Variants in PNKD observed in about 807,000 individuals in gnomAD.
PNKD encodes PNKD metallo-beta-lactamase domain containing.
Under a neutral mutation model 45.3 loss-of-function variants are expected in PNKD, and 36 were observed. That is an observed-to-expected ratio of 0.80 (90% confidence interval 0.61 to 1.05). The LOEUF (loss-of-function observed/expected upper bound fraction) is 1.05, where lower values mean the gene tolerates loss of function less well. PNKD is among the 50% of genes least tolerant of loss of function. The pLI is 0.00. For synonymous variants in PNKD, 197 were observed against 210.1 expected (o/e 0.94, Z 0.54); for missense variants, 511 against 506.6 (o/e 1.01, Z -0.08).
chr2:218,293,420 T>G (rs1225064316), intron 2 of PNKD, among the ~76,000 whole-genome samples: 1 of 152,098 alleles, frequency 6.6e-6, no homozygotes, highest in Non-Finnish European at 1.5e-5. Flanking sequence ...TTGTCTCAAT[T>G]TAAAAAGAGA....
At chr2:218,319,664 G>A (rs2382827) in intron 2 of PNKD, among the ~76,000 whole-genome samples, 89,887 of 151,926 alleles carry the variant, frequency 0.59, 26,996 homozygotes, top group South Asian at 0.68. Flanking sequence ...GTGAGCCATC[G>A]CGCTCGGCCC....
intron 2 of PNKD, among the ~76,000 whole-genome samples, chr2:218,298,806 G>C (rs1239816339): frequency 6.6e-6 from 1 of 152,078 alleles, no homozygotes; most frequent in African/African-American, 2.4e-5. Context: ...CGTCCATCTT[G>C]GGCTTCATTC....
At chr2:218,282,543 A>C (rs1455007394) in intron 2 of PNKD, among the ~76,000 whole-genome samples, 5 of 152,252 alleles carry the variant, frequency 3.3e-5, no homozygotes, top group African/African-American at 9.6e-5. Context: ...CCAGCGAAGA[A>C]GCCAGATGGG....
rs932476419 is a variant in PNKD at position 218,270,862 on chromosome 2, C to G, written c.67+260C>G. On this transcript the variant is annotated intron_variant, in intron 1 of 9. Coordinates refer to ENST00000273077, the MANE Select transcript of PNKD (RefSeq NM_015488.5). ...TTGGACTCCCGCGCTCCAGGTGTTT[C>G]ACACTCACCGCAGTGCAGAGGAAAG... 2.6e-5 allele frequency: 10 copies of G among 390,206 alleles called. No homozygotes were observed. In the East Asian group the frequency reaches 3.8e-4, roughly 15 times the overall value. The allele number at this position is 390,206 out of a possible 1,614,324, so 24.2% of individuals were successfully genotyped here.
chr2:218,280,919 C>T (rs895139401), intron 2 of PNKD: 1 of 142,924 alleles, frequency 7.0e-6, no homozygotes, highest in African/African-American at 2.6e-5. Flanking sequence ...TCAAGCAATT[C>T]TCCTGCCTTA....
chr2:218,297,290 G>A (rs962969641), intron 2 of PNKD, among the ~76,000 whole-genome samples: 2 of 152,234 alleles, frequency 1.3e-5, no homozygotes, highest in African/African-American at 4.8e-5. Context: ...AGGAAATAGA[G>A]AGTGGAAAGA....
intron 2 of PNKD, among the ~76,000 whole-genome samples, chr2:218,298,479 A>AGGT (rs1477174186): frequency 6.6e-6 from 1 of 152,196 alleles, no homozygotes; most frequent in Non-Finnish European, 1.5e-5. Flanking sequence ...GAGCCTTGGC[A>AGGT]CCTTATCTAT....
chr2:218,294,521 C>G (rs995341975), intron 2 of PNKD, among the ~76,000 whole-genome samples: 1 of 152,180 alleles, frequency 6.6e-6, no homozygotes, highest in Non-Finnish European at 1.5e-5. Flanking sequence ...GAGATGGAAT[C>G]TCACTCTGTG....
rs1574615208 is a variant in PNKD at position 218,270,790 on chromosome 2, C to T, written c.67+188C>T. The stretch of plus-strand genomic sequence containing the variant: ...TGCATCCCCCCGCCTTCGGGTTGCT[C>T]GACACCTCCGGGGTCTTGCTGCAAG... On this transcript the variant is annotated intron_variant, in intron 1 of 9. Coordinates refer to ENST00000273077, the MANE Select transcript of PNKD (RefSeq NM_015488.5). 6 of 406,678 alleles carry T rather than the reference C, an allele frequency of 1.5e-5. No individual in the cohort carries two copies. In the East Asian group the frequency reaches 2.2e-4, roughly 15 times the overall value. The allele number at this position is 406,678 out of a possible 1,614,324, so 25.2% of individuals were successfully genotyped here.
At chr2:218,285,336 G>A (rs1692418665) in intron 2 of PNKD, among the ~76,000 whole-genome samples, 1 of 152,298 alleles carries the variant, frequency 6.6e-6, no homozygotes, top group East Asian at 1.9e-4. Context: ...CCAAGCCCCT[G>A]CTCTTAATCC....
chr2:218,323,233 G>T, intron 2 of PNKD: 1 of 1,455,218 alleles, frequency 6.9e-7, no homozygotes, highest in Non-Finnish European at 9.0e-7. Flanking sequence ...TAGCAACGCC[G>T]AGCCCCGCCC....
intron 2 of PNKD, among the ~76,000 whole-genome samples, chr2:218,299,640 CAG>C (rs1294836700): frequency 6.7e-6 from 1 of 149,914 alleles, no homozygotes; most frequent in African/African-American, 2.5e-5. Context: ...TTTTTTGAGA[CAG>C]AGTTTTGCTC....
At chr2:218,336,779 C>G (rs1208564306) in intron 2 of PNKD, among the ~76,000 whole-genome samples, 1 of 144,080 alleles carries the variant, frequency 6.9e-6, no homozygotes, top group African/African-American at 2.6e-5. Context: ...CCACACCTGG[C>G]CTTCAATTCT....
At chr2:218,275,720 G>T (rs1422528097) in intron 2 of PNKD, 1 of 1,419,884 alleles carries the variant, frequency 7.0e-7, no homozygotes, top group African/African-American at 1.4e-5. Flanking sequence ...GCGCCACACA[G>T]TGCTTAGGGC....
In PNKD at chr2:218,345,011, C is replaced by A. The variant is rs763256478; in HGVS notation, c.*30C>A. On this transcript the variant is annotated 3_prime_UTR_variant, in exon 10 of 10. Transcript: ENST00000273077. ...CCCAGCGCCCCCAGCCCAGCCCACT[C>A]CCCGCATGGGGAGGCCGCCACCACC... The A allele has an allele frequency of 1.9e-6, 3 of 1,578,558 alleles. No homozygotes were observed. The Admixed American group carries it at 5.3e-5, about 28-fold the overall frequency.
intron 2 of PNKD, among the ~76,000 whole-genome samples, chr2:218,333,329 G>A (rs181590113): frequency 1.8e-4 from 28 of 152,334 alleles, no homozygotes; most frequent in African/African-American, 6.3e-4. Context: ...GTCCCTGCCC[G>A]CACAGATCTG....
intron 2 of PNKD, among the ~76,000 whole-genome samples, chr2:218,294,682 T>C (rs1193862063): frequency 3.3e-5 from 5 of 152,214 alleles, no homozygotes; most frequent in Admixed American, 3.3e-4. Flanking sequence ...CTCACTATGT[T>C]GCCCACGCTG....
chr2:218,338,414 T>C (rs1458750617), intron 2 of PNKD, among the ~76,000 whole-genome samples: 1 of 149,952 alleles, frequency 6.7e-6, no homozygotes, highest in African/African-American at 2.5e-5. Flanking sequence ...TGAGCCGAGA[T>C]TGCACCACTG....
Position 218,341,564 on chromosome 2 carries a change from C to T in PNKD, c.555C>T (p.Ser185=). The T allele has an allele frequency of 6.2e-7, 1 of 1,602,536 alleles. No homozygotes were observed. The highest frequency in any genetic ancestry group is 1.1e-5 in the South Asian group (1 of 88,772). ...ACAGTGGAGGGAACCGTGACCTCAG[C>T]CGGCGGCACCGGGACTGTCGGGTGT... ...WDHSGGNRDL[S]RRHRDCRVYG... The change falls in exon 6 of 10, where the codon AGC becomes AGT. Residue 185 remains serine (S), a synonymous_variant. Transcript: ENST00000273077.
Sources: gnomAD v4.1 joint callset for allele counts (sites outside exome capture counted in the v4.1 genomes callset) on GRCh38, gnomAD v4.1.1 for gene constraint, MANE v1.5 for transcripts, NCBI Gene and HGNC (gene_info 2026-07-23, HGNC 2026-07-21) for gene names.